The following TP53INP1 variants were observed in gnomAD, a reference collection of about 807,000 sequenced individuals.
The protein encoded by TP53INP1 is tumor protein p53 inducible nuclear protein 1.
A neutral mutation model predicts 21.0 loss-of-function variants in TP53INP1; 12 were observed. The observed-to-expected ratio is 0.57, with a 90% CI of 0.37 to 0.93. The LOEUF is 0.93. Ranked by LOEUF, TP53INP1 falls within the 40% of genes least tolerant of loss-of-function variation. TP53INP1 has a pLI of 0.01. For synonymous variants in TP53INP1, 91 were observed against 94.8 expected, an observed-to-expected ratio of 0.96 and a Z score of 0.23; for missense variants, 274 against 294.7, an observed-to-expected ratio of 0.93 and a Z score of 0.51.
chr8:94,944,117 A>G (rs1821790463), intron 1 of TP53INP1, among the ~76,000 whole-genome samples: 1 of 152,232 alleles, frequency 6.6e-6, no homozygotes, highest in Non-Finnish European at 1.5e-5. Context: ...CCCACGTACA[A>G]TTCTGTGTCT....
intron 3 of TP53INP1, 159 bp downstream of exon 3, chr8:94,939,701 A>T (rs781272298): frequency 2.8e-6 from 3 of 1,078,632 alleles, no homozygotes; most frequent in Non-Finnish European, 4.0e-6. Flanking sequence ...ACTGGTCAAC[A>T]AGTTATCTTA....
chr8:94,938,153 G>A (rs192534003), intron 3 of TP53INP1, among the ~76,000 whole-genome samples: 29 of 152,282 alleles, frequency 1.9e-4, no homozygotes, highest in Admixed American at 6.5e-4. Flanking sequence ...GTGAAGCTAC[G>A]TGTTTGCTAA....
chr8:94,941,217 C>T, intron 1 of TP53INP1, 126 bp from the exon 2 acceptor site: 1 of 293,646 alleles, frequency 3.4e-6, no homozygotes, highest in Middle Eastern at 9.2e-4. Flanking sequence ...CAGCTATTCC[C>T]TTTCTGCAGG....
intron 3 of TP53INP1, 97 bp from the exon 4 acceptor site, chr8:94,930,825 G>A: frequency 3.8e-6 from 5 of 1,328,784 alleles, no homozygotes; most frequent in Non-Finnish European, 5.1e-6. Context: ...ACGCTAATTT[G>A]TTTATGGCTG....
At chr8:94,937,641 T>C (rs997458447) in intron 3 of TP53INP1, among the ~76,000 whole-genome samples, 3 of 151,430 alleles carry the variant, frequency 2.0e-5, no homozygotes, top group Non-Finnish European at 2.9e-5. Context: ...CATCACCTCA[T>C]TTTTTTTTCC....
At position 94,941,605 on chromosome 8, in the gene TP53INP1, C is replaced by A. The variant is rs189586889; in HGVS notation, c.-150-514G>T. 2.2e-3 allele frequency among the ~76,000 whole-genome samples: 341 copies of A among 152,336 alleles called. 2 individuals carry two copies. Among genetic ancestry groups the A allele is most frequent in the African/African-American group, 7.4e-3 (306 of 41,564 alleles). On this transcript the variant is annotated intron_variant, in intron 1 of 3. Coordinates refer to ENST00000342697, the MANE Select transcript of TP53INP1 (RefSeq NM_033285.4). ...AGCCCAGCAAGCATACTTTGACCTT[C>A]TAAACAATTCCTACAGCTGGCATGA...
rs1820115752 is a variant in TP53INP1 at position 94,928,717 on chromosome 8, T to A, written c.*1762A>T. On this transcript the variant is annotated 3_prime_UTR_variant, in exon 4 of 4. Transcript: ENST00000342697. ...CCTCCATCTCACTACACATTTGACG[T>A]CTTCCACTCCAAACGCTCTAATCTA... 6.6e-6 allele frequency: 1 copy of A among 152,222 alleles called. No individual in the cohort carries two copies. Among genetic ancestry groups the A allele is most frequent in the Non-Finnish European group, 1.5e-5 (1 of 68,040 alleles). 9.4% of individuals were successfully genotyped at this position (152,222 alleles called of 1,614,324 possible).
At chr8:94,936,057 G>A (rs1429771925) in intron 3 of TP53INP1, among the ~76,000 whole-genome samples, 1 of 152,156 alleles carries the variant, frequency 6.6e-6, no homozygotes, top group African/African-American at 2.4e-5. Flanking sequence ...TGGCACTTAT[G>A]GCAAAAGACT....
chr8:94,938,513 T>C (rs778801777), intron 3 of TP53INP1, among the ~76,000 whole-genome samples: 10 of 152,238 alleles, frequency 6.6e-5, no homozygotes, highest in Non-Finnish European at 1.5e-4. Flanking sequence ...ATGTGGTCAC[T>C]ATAAAGACCA....
At chr8:94,948,588 G>A (rs912539834) in intron 1 of TP53INP1, among the ~76,000 whole-genome samples, 9 of 152,176 alleles carry the variant, frequency 5.9e-5, no homozygotes, top group Non-Finnish European at 1.3e-4. Context: ...AGGGCCTCCG[G>A]AACTCGGAGG....
chr8:94,940,075 C>A lies in TP53INP1; in HGVS notation c.258G>T (p.Gln86His). The change falls in exon 3 of 4, where the codon CAG (glutamine) becomes CAT (histidine). Residue 86 changes from glutamine (Q) to histidine (H), a missense_variant. By Grantham distance (24) the Gln-to-His change is conservative. Coordinates refer to ENST00000342697, the MANE Select transcript of TP53INP1 (RefSeq NM_033285.4). ...TCTCCTCCATTGGACATGACTCAAA[C>A]TGGAGAAAGCAGGAATCACTTGTAT... is the stretch of plus-strand genomic sequence containing the variant. ...LADTSDSCFLQFESCPMEESW... is the reference protein window; with the variant it reads ...LADTSDSCFLHFESCPMEESW... The A allele has an allele frequency of 6.2e-7, 1 of 1,614,180 alleles. No homozygotes were observed. The highest frequency in any genetic ancestry group is 1.1e-5 in the South Asian group (1 of 91,088).
rs376161483 is a variant in TP53INP1, at chr8:94,930,434, T to C, written c.*45A>G. ...CTGTACATATACACACATCCATACA[T>C]GTAAGCACAAACCAAGAGAAACCAA... On this transcript the variant is annotated 3_prime_UTR_variant, in exon 4 of 4. Coordinates refer to ENST00000342697, the MANE Select transcript of TP53INP1 (RefSeq NM_033285.4). 54 of 1,610,328 alleles carry C rather than the reference T, an allele frequency of 3.4e-5. No homozygotes were observed. The Middle Eastern group carries it at 6.6e-4, about 20-fold the overall frequency.
chr8:94,938,356 G>C (rs764368366), intron 3 of TP53INP1, among the ~76,000 whole-genome samples: 3 of 152,206 alleles, frequency 2.0e-5, no homozygotes, highest in Non-Finnish European at 2.9e-5. Context: ...TGAAGACTGA[G>C]GCTGGACTGT....
At chr8:94,937,728 G>A (rs1053157048) in intron 3 of TP53INP1, among the ~76,000 whole-genome samples, 7 of 152,180 alleles carry the variant, frequency 4.6e-5, no homozygotes, top group Admixed American at 2.6e-4. Context: ...TGAGCAAGAA[G>A]CTGTAACTAT....
At chr8:94,932,977 G>T (rs565626903) in intron 3 of TP53INP1, among the ~76,000 whole-genome samples, 56 of 152,296 alleles carry the variant, frequency 3.7e-4, no homozygotes, top group African/African-American at 1.3e-3. Flanking sequence ...AGAACTTTGG[G>T]AGGTCAAGGT....
Position 94,931,944 on chromosome 8 carries a change from C to T in TP53INP1, c.474-1216G>A, listed in dbSNP as rs1321397267. ...CCAATATCACACCATTGCACTCCAG[C>T]CTGAGTGACAGAGTGAGACTCCATC... is the stretch of plus-strand genomic sequence containing the variant. On this transcript the variant is annotated intron_variant, in intron 3 of 3. Transcript: ENST00000342697. 10 of 891,208 alleles carry T rather than the reference C, an allele frequency of 1.1e-5. No individual in the cohort carries two copies. The African/African-American group carries it at 1.3e-4, about 12-fold the overall frequency. The allele number at this position is 891,208 out of a possible 1,614,324, so 55.2% of individuals were successfully genotyped here.
chr8:94,931,749 T>G (rs889942360), intron 3 of TP53INP1, among the ~76,000 whole-genome samples: 1 of 152,084 alleles, frequency 6.6e-6, no homozygotes, highest in South Asian at 2.1e-4. Flanking sequence ...CTGAGGCAGG[T>G]GGATCACCTT....
intron 3 of TP53INP1, among the ~76,000 whole-genome samples, chr8:94,935,586 T>C: frequency 6.6e-6 from 1 of 152,336 alleles, no homozygotes; most frequent in East Asian, 1.9e-4. Context: ...TCTATTTCTC[T>C]GTCTCTGCTG....
In TP53INP1 at chr8:94,928,394, A is replaced by G. The variant is rs766466459; in HGVS notation, c.*2085T>C. 6 of 152,334 alleles carry G rather than the reference A, an allele frequency of 3.9e-5. No individual in the cohort carries two copies. The highest frequency in any genetic ancestry group is 7.3e-5 in the Non-Finnish European group (5 of 68,046). 9.4% of individuals were successfully genotyped at this position (152,334 alleles called of 1,614,324 possible). ...ATTCAGAGTTTTACATCCTGAAGACATTAAGCTGGTCTATTTTCAAGTTAC... is the reference window on the plus strand; with the variant it reads ...ATTCAGAGTTTTACATCCTGAAGACGTTAAGCTGGTCTATTTTCAAGTTAC... On this transcript the variant is annotated 3_prime_UTR_variant, in exon 4 of 4. Transcript: ENST00000342697.
Sources: allele counts gnomAD v4.1 joint callset (sites outside exome capture counted in the v4.1 genomes callset), GRCh38; gene constraint gnomAD v4.1.1; transcripts MANE v1.5; gene names NCBI Gene and HGNC (gene_info 2026-07-23, HGNC 2026-07-21).